Variants in RUNX1T1 observed in about 807,000 individuals in gnomAD.
RUNX1T1 encodes the protein RUNX1 partner transcriptional co-repressor 1, also known as protein CBFA2T1.
In RUNX1T1, 4 loss-of-function variants were observed where a neutral mutation model predicts 62.8. The observed-to-expected ratio is 0.06, with a 90% CI of 0.03 to 0.15. The LOEUF is 0.15. Among genes scored for constraint, RUNX1T1 ranks in the 10% least tolerant of loss-of-function variants. The pLI is 1.00. For synonymous variants in RUNX1T1, 291 were observed against 286.0 expected, an observed-to-expected ratio of 1.02 and a Z score of -0.18; for missense variants, 508 against 754.3, an observed-to-expected ratio of 0.67 and a Z score of 3.82.
At chr8:92,086,324 T>C (rs1413574615) in intron 1 of RUNX1T1, among the ~76,000 whole-genome samples, 1 of 152,244 alleles carries the variant, frequency 6.6e-6, no homozygotes, top group African/African-American at 2.4e-5. Flanking sequence ...TAAAGCAGGC[T>C]GCACTGGTCA....
Position 91,984,074 on chromosome 8 carries a change from T to C in RUNX1T1, c.1198+2050A>G, listed in dbSNP as rs182750016. 7.3e-4 allele frequency among the ~76,000 whole-genome samples: 111 copies of C among 152,308 alleles called. 1 individual carries two copies. Among genetic ancestry groups the C allele is most frequent in the Non-Finnish European group, 8.8e-5 (6 of 68,012 alleles). ...TTAAATGCTTGTACCCTTTGACTAA[T>C]ACAACCTACAAAAGCTTAAGGCCAA... On this transcript the variant is annotated intron_variant, in intron 8 of 10. Transcript: ENST00000396218.
intron 10 of RUNX1T1, among the ~76,000 whole-genome samples, chr8:91,962,515 C>T (rs770389472): frequency 5.3e-5 from 8 of 152,190 alleles, no homozygotes; most frequent in Non-Finnish European, 8.8e-5. Flanking sequence ...AAGCTCTGAT[C>T]GCAAGTCTCA....
At chr8:92,039,092 AC>A (rs1463979655) in intron 1 of RUNX1T1, among the ~76,000 whole-genome samples, 2 of 151,634 alleles carry the variant, frequency 1.3e-5, no homozygotes, top group Non-Finnish European at 2.9e-5. Flanking sequence ...GGACAAAGTT[AC>A]CTGCTACTTT....
chr8:91,956,828 G>A (rs1023912430), downstream of RUNX1T1: 5 of 217,452 alleles, frequency 2.3e-5, no homozygotes, highest in Non-Finnish European at 4.6e-5. Flanking sequence ...CATTTCAACA[G>A]TCTCCAATTT....
chr8:91,997,070 C>T (rs185052240), intron 5 of RUNX1T1, among the ~76,000 whole-genome samples: 34 of 152,020 alleles, frequency 2.2e-4, no homozygotes, highest in Non-Finnish European at 3.5e-4. Flanking sequence ...GAGGTTGCAA[C>T]GAACCAAGAT....
At chr8:92,102,760 C>A, upstream of RUNX1T1, 1 of 1,283,000 alleles carries the variant, frequency 7.8e-7, no homozygotes, top group Non-Finnish European at 1.0e-6. This position sits in a 1 kb window ranked among gnomAD's most constrained non-coding sequence, Gnocchi z 4.5. Flanking sequence ...TCGAATAATC[C>A]AAACGAAGAT....
chr8:91,968,130 G>A (rs2130571330), intron 10 of RUNX1T1, among the ~76,000 whole-genome samples: 1 of 152,210 alleles, frequency 6.6e-6, no homozygotes, highest in East Asian at 1.9e-4. Flanking sequence ...CCATAATTCA[G>A]GACTTCTGGG....
At chr8:92,029,207 T>C (rs1242455257) in intron 1 of RUNX1T1, among the ~76,000 whole-genome samples, 1 of 152,206 alleles carries the variant, frequency 6.6e-6, no homozygotes, top group Admixed American at 6.5e-5. Context: ...AAAAGTACTG[T>C]TAGTTTAGTC....
intron 1 of RUNX1T1, among the ~76,000 whole-genome samples, chr8:92,088,524 A>T (rs893079854): frequency 2.6e-5 from 4 of 152,164 alleles, no homozygotes; most frequent in African/African-American, 9.7e-5. Flanking sequence ...CATTTGAAGT[A>T]TTTTCCACAA....
At chr8:92,020,798 T>G (rs1823930742) in intron 1 of RUNX1T1, among the ~76,000 whole-genome samples, 1 of 151,820 alleles carries the variant, frequency 6.6e-6, no homozygotes, top group Non-Finnish European at 1.5e-5. Flanking sequence ...TGTCAGGGCC[T>G]TCTAGAAGTG....
At chr8:91,984,158 T>C (rs1816038981) in intron 8 of RUNX1T1, among the ~76,000 whole-genome samples, 1 of 152,194 alleles carries the variant, frequency 6.6e-6, no homozygotes, top group Non-Finnish European at 1.5e-5. Flanking sequence ...AAAAATAGTA[T>C]AGTTTGTATA....
At chr8:91,995,161 T>C (rs1393774833) in intron 5 of RUNX1T1, among the ~76,000 whole-genome samples, 1 of 152,184 alleles carries the variant, frequency 6.6e-6, no homozygotes, top group Non-Finnish European at 1.5e-5. Flanking sequence ...AACTTACTAG[T>C]TTTCTCTCTC....
intron 1 of RUNX1T1, among the ~76,000 whole-genome samples, chr8:92,037,071 C>G (rs184312192): frequency 1.3e-5 from 2 of 152,186 alleles, no homozygotes; most frequent in African/African-American, 2.4e-5. Flanking sequence ...TACCTACACC[C>G]TCATCGCCTC....
At chr8:92,058,092 A>AC (rs1467947545) in intron 1 of RUNX1T1, among the ~76,000 whole-genome samples, 4 of 151,706 alleles carry the variant, frequency 2.6e-5, no homozygotes, top group African/African-American at 9.7e-5. Flanking sequence ...GTGGGTATCT[A>AC]CCCCTCTGGG....
At chr8:92,021,333 G>T (rs1256147543) in intron 1 of RUNX1T1, among the ~76,000 whole-genome samples, 1 of 152,088 alleles carries the variant, frequency 6.6e-6, no homozygotes, top group Non-Finnish European at 1.5e-5. Context: ...ATGCTATGTA[G>T]TGACTCCAAT....
At chr8:92,012,268 T>G (rs910861830) in intron 3 of RUNX1T1, among the ~76,000 whole-genome samples, 1 of 152,158 alleles carries the variant, frequency 6.6e-6, no homozygotes, top group Non-Finnish European at 1.5e-5. Flanking sequence ...TCCGGTCCAG[T>G]GCAGTGGCTC....
At chr8:92,049,630 A>G (rs1829936218) in intron 1 of RUNX1T1, among the ~76,000 whole-genome samples, 1 of 152,188 alleles carries the variant, frequency 6.6e-6, no homozygotes, top group Non-Finnish European at 1.5e-5. Flanking sequence ...ACACAAAACA[A>G]TCTACCAACT....
chr8:92,031,695 C>A (rs999977941), intron 1 of RUNX1T1, among the ~76,000 whole-genome samples: 1 of 152,038 alleles, frequency 6.6e-6, no homozygotes, highest in African/African-American at 2.4e-5. Flanking sequence ...CTCTCAAACT[C>A]CTGGCCTCGA....
intron 1 of RUNX1T1, among the ~76,000 whole-genome samples, chr8:92,061,794 G>A (rs1832075776): frequency 6.6e-6 from 1 of 152,092 alleles, no homozygotes. Flanking sequence ...TCTGAAGATA[G>A]GAAGCTCCAA....
Sources: allele counts gnomAD v4.1 joint callset (sites outside exome capture counted in the v4.1 genomes callset), GRCh38; gene constraint gnomAD v4.1.1; non-coding constraint Gnocchi (gnomAD v3.1); transcripts MANE v1.5; gene names NCBI Gene and HGNC (gene_info 2026-07-23, HGNC 2026-07-21).